Variants in DDX10 observed in about 807,000 individuals in gnomAD.
The protein encoded by DDX10 is DEAD-box helicase 10.
Under a neutral mutation model 104.3 loss-of-function variants are expected in DDX10, and 74 were observed. The ratio of observed to expected loss-of-function variants is 0.71; its 90% CI spans 0.59 to 0.86. DDX10 has a LOEUF of 0.86. Among genes scored for constraint, DDX10 ranks in the 40% least tolerant of loss-of-function variants. The pLI is 0.00. For synonymous variants in DDX10, 351 were observed against 353.4 expected, an observed-to-expected ratio of 0.99 and a Z score of 0.08; for missense variants, 952 against 1,040.0, an observed-to-expected ratio of 0.92 and a Z score of 1.16.
chr11:108,669,914 T>A (rs1174594054), intron 1 of DDX10, among the ~76,000 whole-genome samples: 2 of 152,238 alleles, frequency 1.3e-5, no homozygotes, highest in African/African-American at 4.8e-5. Context: ...AAATGGACTC[T>A]GCCGTAGAGT....
intron 16 of DDX10, among the ~76,000 whole-genome samples, chr11:108,877,199 A>G (rs948529710): frequency 2.6e-5 from 4 of 152,246 alleles, no homozygotes; most frequent in Non-Finnish European, 5.9e-5. Flanking sequence ...ACTTTTCAAA[A>G]GAATGTTTTC....
intron 16 of DDX10, among the ~76,000 whole-genome samples, chr11:108,864,642 T>TAGAGATG (rs1862984639): frequency 1.3e-5 from 2 of 152,064 alleles, no homozygotes; most frequent in African/African-American, 4.8e-5. Context: ...TATTTTTTTG[T>TAGAGATG]AGAGATGAGG....
Position 108,936,553 on chromosome 11 carries a change from A to C in DDX10, c.2451-3693A>C, listed in dbSNP as rs142648593. ...AAAAAAATCTTCCAAACCTTTTTCT[A>C]TGCAAACTTACATATAGACTTTTTA... On this transcript the variant is annotated intron_variant, in intron 17 of 17. Transcript: ENST00000322536. Among the ~76,000 whole-genome samples, 213 of 152,330 alleles carry C rather than the reference A, an allele frequency of 1.4e-3. 2 individuals are homozygous for C. The highest frequency in any genetic ancestry group is 4.8e-3 in the African/African-American group (199 of 41,582).
intron 16 of DDX10, among the ~76,000 whole-genome samples, chr11:108,874,722 G>T (rs984852169): frequency 6.6e-6 from 1 of 152,016 alleles, no homozygotes; most frequent in Non-Finnish European, 1.5e-5. Context: ...CTCTTTAGTA[G>T]CTCTAAAACC....
intron 13 of DDX10, among the ~76,000 whole-genome samples, chr11:108,821,757 T>G (rs2134577966): frequency 6.6e-6 from 1 of 152,326 alleles, no homozygotes; most frequent in African/African-American, 2.4e-5. Flanking sequence ...TAAATAATCT[T>G]TATTTGATAT....
In DDX10 at chr11:108,833,355, G is replaced by A. The variant is rs1029666573; in HGVS notation, c.1966-5091G>A. Reference sequence around the variant, plus strand: ...CATATCTTTTTCCATAGATAGAGTTGGGCTCTGTGAAGGCTGGGAGTCCAC... The same window carrying A: ...CATATCTTTTTCCATAGATAGAGTTAGGCTCTGTGAAGGCTGGGAGTCCAC... On this transcript the variant is annotated intron_variant, in intron 13 of 17. Transcript: ENST00000322536. Among the ~76,000 whole-genome samples the A allele has an allele frequency of 7.1e-4, 108 of 152,308 alleles. 1 individual carries two copies. The highest frequency in any genetic ancestry group is 2.6e-3 in the African/African-American group (106 of 41,560).
chr11:108,717,386 C>T (rs953746697), intron 11 of DDX10, among the ~76,000 whole-genome samples: 17 of 152,086 alleles, frequency 1.1e-4, no homozygotes, highest in South Asian at 4.1e-4. Flanking sequence ...CTTGGCTCAT[C>T]GCAACCTCCG....
chr11:108,911,874 G>A (rs991940651), intron 16 of DDX10, among the ~76,000 whole-genome samples: 6 of 152,108 alleles, frequency 3.9e-5, no homozygotes, highest in African/African-American at 9.7e-5. Context: ...TTCAACACAT[G>A]AATTTTGTGG....
At chr11:108,759,736 T>C (rs923441507) in intron 13 of DDX10, among the ~76,000 whole-genome samples, 3 of 152,106 alleles carry the variant, frequency 2.0e-5, no homozygotes, top group Non-Finnish European at 4.4e-5. Context: ...CCATGGATAA[T>C]ATCTCACGAC....
In DDX10 at chr11:108,719,823, A is replaced by G. The variant is rs757159322; in HGVS notation, c.1437A>G (p.Val479=). Residue 479 remains valine (V), a synonymous_variant, in exon 12 of 18, where the codon GTA becomes GTG. Transcript: ENST00000322536. ...QRCFVSYVRS[V]YLMKDKEVFD... is the part of the protein sequence containing the mutation. ...GTTTCGTCTCCTATGTACGATCTGTATATCTGATGAAGGATAAAGAAGTAT... is the reference window on the plus strand; with the variant it reads ...GTTTCGTCTCCTATGTACGATCTGTGTATCTGATGAAGGATAAAGAAGTAT... The G allele has an allele frequency of 1.2e-5, 20 of 1,605,896 alleles. No homozygotes were observed. The highest frequency in any genetic ancestry group is 2.2e-5 in the South Asian group (2 of 90,854).
chr11:108,795,174 G>C (rs1861923420), intron 13 of DDX10, among the ~76,000 whole-genome samples: 2 of 150,708 alleles, frequency 1.3e-5, no homozygotes, highest in African/African-American at 4.9e-5. Flanking sequence ...TTTGTTCTTG[G>C]TAATGTTTGA....
intron 12 of DDX10, among the ~76,000 whole-genome samples, chr11:108,722,037 A>G (rs533398246): frequency 6.6e-6 from 1 of 152,216 alleles, no homozygotes; most frequent in Non-Finnish European, 1.5e-5. Flanking sequence ...TATTCTTACA[A>G]CAACCCTGTG....
chr11:108,863,045 T>G (rs1410136650), intron 16 of DDX10, among the ~76,000 whole-genome samples: 1 of 152,228 alleles, frequency 6.6e-6, no homozygotes, highest in African/African-American at 2.4e-5. Context: ...TTGACTTACC[T>G]CATTCTTACC....
intron 9 of DDX10, among the ~76,000 whole-genome samples, chr11:108,700,884 T>C (rs536319717): frequency 5.5e-4 from 83 of 152,288 alleles, no homozygotes; most frequent in Middle Eastern, 3.4e-3. Flanking sequence ...TTTAATTCTT[T>C]TCAGGGGACA....
intron 16 of DDX10, among the ~76,000 whole-genome samples, chr11:108,885,577 G>A (rs957112673): frequency 1.3e-5 from 2 of 151,864 alleles, no homozygotes; most frequent in Non-Finnish European, 2.9e-5. Flanking sequence ...GTTTCACCAC[G>A]TTGGCCAGGC....
intron 13 of DDX10, among the ~76,000 whole-genome samples, chr11:108,748,763 C>A (rs2094334805): frequency 6.6e-6 from 1 of 152,112 alleles, no homozygotes; most frequent in African/African-American, 2.4e-5. Context: ...TCACTGCAGC[C>A]ATGAACTCCT....
chr11:108,866,344 CG>C (rs1410934628), intron 16 of DDX10, among the ~76,000 whole-genome samples: 1 of 152,038 alleles, frequency 6.6e-6, no homozygotes, highest in Non-Finnish European at 1.5e-5. Flanking sequence ...TGAGAGGATT[CG>C]GCAATGAGAG....
chr11:108,791,119 G>A (rs1861865326), intron 13 of DDX10, among the ~76,000 whole-genome samples: 1 of 152,330 alleles, frequency 6.6e-6, no homozygotes, highest in African/African-American at 2.4e-5. Flanking sequence ...CCTAGACTGA[G>A]TCATAAAAAG....
intron 13 of DDX10, among the ~76,000 whole-genome samples, chr11:108,759,931 A>G (rs1185613044): frequency 6.6e-6 from 1 of 151,678 alleles, no homozygotes; most frequent in Non-Finnish European, 1.5e-5. Context: ...TTTCTTACCT[A>G]CTTCATTGTG....
Sources: allele counts gnomAD v4.1 joint callset (sites outside exome capture counted in the v4.1 genomes callset), GRCh38; gene constraint gnomAD v4.1.1; transcripts MANE v1.5; gene names NCBI Gene and HGNC (gene_info 2026-07-23, HGNC 2026-07-21).